IGF2BP2: variants seen among roughly 807,000 people sequenced by gnomAD.
IGF2BP2 encodes insulin like growth factor 2 mRNA binding protein 2, also known as insulin-like growth factor 2 mRNA-binding protein 2.
Under a neutral mutation model 75.8 loss-of-function variants are expected in IGF2BP2, and 17 were observed. The ratio of observed to expected loss-of-function variants is 0.22; its 90% confidence interval spans 0.15 to 0.34. IGF2BP2 has a LOEUF of 0.34. Ranked by LOEUF, IGF2BP2 falls within the 10% of genes least tolerant of loss-of-function variation. IGF2BP2 has a pLI of 1.00. For synonymous variants in IGF2BP2, 288 were observed against 295.6 expected, an observed-to-expected ratio of 0.97 and a Z score of 0.26; for missense variants, 516 against 772.4, an observed-to-expected ratio of 0.67 and a Z score of 3.93.
intron 2 of IGF2BP2, among the ~76,000 whole-genome samples, chr3:185,730,181 G>A (rs1727954283): frequency 1.3e-5 from 2 of 152,054 alleles, no homozygotes; most frequent in Non-Finnish European, 2.9e-5. Flanking sequence ...ATGTCTATGT[G>A]TAGCCACTGC....
chr3:185,732,177 C>T (rs1247177667), intron 2 of IGF2BP2, among the ~76,000 whole-genome samples: 2 of 152,144 alleles, frequency 1.3e-5, no homozygotes, highest in African/African-American at 4.8e-5. Flanking sequence ...AAGCACATGG[C>T]TCTGATGTTT....
intron 4 of IGF2BP2, among the ~76,000 whole-genome samples, chr3:185,694,904 C>T (rs947778931): frequency 1.3e-5 from 2 of 152,180 alleles, no homozygotes; most frequent in Admixed American, 1.3e-4. Context: ...CTGGCCAACA[C>T]GGTGAAACCC....
intron 2 of IGF2BP2, among the ~76,000 whole-genome samples, chr3:185,790,154 T>C (rs1245579183): frequency 6.6e-6 from 1 of 152,194 alleles, no homozygotes; most frequent in African/African-American, 2.4e-5. Context: ...TGCTTCCTCG[T>C]CCTTCCTCCA....
At chr3:185,713,431 G>C (rs80286766) in intron 2 of IGF2BP2, 1 of 519,914 alleles carries the variant, frequency 1.9e-6, no homozygotes, top group Non-Finnish European at 3.8e-6. Flanking sequence ...TGGTTTAATG[G>C]CAACACCACT....
intron 9 of IGF2BP2, among the ~76,000 whole-genome samples, chr3:185,674,704 A>C (rs1030891985): frequency 6.6e-5 from 10 of 152,268 alleles, no homozygotes; most frequent in Admixed American, 6.5e-4. Flanking sequence ...AAGGTTCAGA[A>C]GGCTACATAC....
In IGF2BP2 at chr3:185,706,503, C is replaced by T. The variant is rs752056254; in HGVS notation, c.240-8156G>A. On this transcript the variant is annotated intron_variant, in intron 2 of 15. Transcript: ENST00000382199. ...GATGTCTGTGAGAAGACTGGTTTGA[C>T]GGTTACTCTTGGACAAGATGGTGAA... Among the ~76,000 whole-genome samples, 10 of 152,144 alleles carry T rather than the reference C, an allele frequency of 6.6e-5. 1 individual carries two copies. Among genetic ancestry groups the T allele is most frequent in the South Asian group, 4.1e-4 (2 of 4,828 alleles).
chr3:185,754,783 T>TG (rs1324728628), intron 2 of IGF2BP2, among the ~76,000 whole-genome samples: 1 of 152,096 alleles, frequency 6.6e-6, no homozygotes, highest in Non-Finnish European at 1.5e-5. Context: ...TAGGGATACG[T>TG]GGAAGTTTGA....
At chr3:185,667,448 C>T (rs1330441979) in intron 10 of IGF2BP2, among the ~76,000 whole-genome samples, 1 of 152,136 alleles carries the variant, frequency 6.6e-6, no homozygotes, top group Non-Finnish European at 1.5e-5. Flanking sequence ...TGAACAGCTA[C>T]TGCACTCCAG....
At chr3:185,655,688 T>G (rs968173153) in intron 12 of IGF2BP2, among the ~76,000 whole-genome samples, 1 of 152,236 alleles carries the variant, frequency 6.6e-6, no homozygotes, top group Non-Finnish European at 1.5e-5. Context: ...CCTGGGACTG[T>G]GGGATGCAGC....
rs1560251068 is a variant in IGF2BP2, at chr3:185,665,408, A to AGG, written c.1201-7000_1201-6999insCC. 2.1e-3 allele frequency among the ~76,000 whole-genome samples: 151 copies of AGG among 72,814 alleles called. 1 individual carries two copies. Among genetic ancestry groups the AGG allele is most frequent in the Non-Finnish European group, 2.3e-3 (79 of 33,766 alleles). 47.8% of individuals were successfully genotyped at this position (72,814 alleles called of 152,430 possible). A position where few individuals can be genotyped will look rare whatever the true frequency, so the allele number is the denominator to read the frequency against. ...GAGGAGAAGGAGGAGGAGGAGAAGG[A>AGG]AAAGGAGGAGAAGGAGAAGGAGGAG... On this transcript the variant is annotated intron_variant, in intron 10 of 15. Transcript: ENST00000382199.
intron 2 of IGF2BP2, among the ~76,000 whole-genome samples, chr3:185,758,664 C>T (rs1389793448): frequency 1.3e-5 from 2 of 152,078 alleles, no homozygotes; most frequent in African/African-American, 2.4e-5. Context: ...GCAGACCTTT[C>T]GGGAGAGAGA....
rs147250689 is a variant in IGF2BP2, at chr3:185,804,805, C to T, written c.239+18348G>A. Among the ~76,000 whole-genome samples, 4 of 151,850 alleles carry T rather than the reference C, an allele frequency of 2.6e-5. No homozygotes were observed. The East Asian group carries it at 7.8e-4, about 30-fold the overall frequency. On this transcript the variant is annotated intron_variant, in intron 2 of 15. Coordinates refer to ENST00000382199, the MANE Select transcript of IGF2BP2 (RefSeq NM_006548.6). ...GACATCGAGACCATCCTGGCTAACA[C>T]AGTGAAACCCCGTCTCTACCAAAAA...
At chr3:185,755,940 G>A (rs1731560607) in intron 2 of IGF2BP2, among the ~76,000 whole-genome samples, 1 of 152,192 alleles carries the variant, frequency 6.6e-6, no homozygotes, top group Non-Finnish European at 1.5e-5. Flanking sequence ...GGGAAGGGAT[G>A]ATTGTATTTT....
At chr3:185,727,304 C>T (rs1727482583) in intron 2 of IGF2BP2, among the ~76,000 whole-genome samples, 1 of 152,048 alleles carries the variant, frequency 6.6e-6, no homozygotes, top group Non-Finnish European at 1.5e-5. Flanking sequence ...AGACGCAGAG[C>T]CCTCCGGAAG....
intron 2 of IGF2BP2, among the ~76,000 whole-genome samples, chr3:185,789,489 T>C (rs1736338090): frequency 6.6e-6 from 1 of 152,098 alleles, no homozygotes; most frequent in African/African-American, 2.4e-5. Flanking sequence ...TCATATCCCC[T>C]TCCATGTAGA....
intron 10 of IGF2BP2, among the ~76,000 whole-genome samples, chr3:185,669,177 C>T (rs1390857392): frequency 2.6e-5 from 4 of 151,990 alleles, no homozygotes; most frequent in Non-Finnish European, 5.9e-5. Flanking sequence ...AGTAATATAC[C>T]TTTTTTTGTA....
intron 2 of IGF2BP2, among the ~76,000 whole-genome samples, chr3:185,747,826 T>TACTCTACTCTACTC (rs1305024151): frequency 0.042 from 2,392 of 57,528 alleles, 133 homozygotes; most frequent in South Asian, 0.28. Flanking sequence ...TTATTTTATT[T>TACTCTACTCTACTC]TATTCTACTC....
chr3:185,672,431 G>T lies in IGF2BP2; in HGVS notation c.1200+110C>A, dbSNP rs148178401. 1.0e-3 allele frequency: 1,166 copies of T among 1,123,086 alleles called. 11 individuals carry two copies. In the African/African-American group the frequency reaches 0.015, roughly 14 times the overall value. The allele number at this position is 1,123,086 out of a possible 1,614,324, so 69.6% of individuals were successfully genotyped here. The stretch of plus-strand genomic sequence containing the variant: ...ACCTACATTGGATTCATCTCTACTC[G>T]AGCATGGCCTTTAAATGAAAGCTTC... On this transcript the variant is annotated intron_variant, in intron 10 of 15. Coordinates refer to ENST00000382199, the MANE Select transcript of IGF2BP2 (RefSeq NM_006548.6).
At chr3:185,659,520 A>AC (rs1159686978) in intron 10 of IGF2BP2, among the ~76,000 whole-genome samples, 3 of 150,832 alleles carry the variant, frequency 2.0e-5, no homozygotes. Context: ...GATTACAGGC[A>AC]CCCCCCACCA....
Sources: gnomAD v4.1 joint callset for allele counts (sites outside exome capture counted in the v4.1 genomes callset) on GRCh38, gnomAD v4.1.1 for gene constraint, MANE v1.5 for transcripts, NCBI Gene and HGNC (gene_info 2026-07-23, HGNC 2026-07-21) for gene names.